LRMDA: variants seen among roughly 807,000 people sequenced by gnomAD.
LRMDA encodes the protein leucine rich melanocyte differentiation associated.
A neutral mutation model predicts 29.8 loss-of-function variants in LRMDA; 18 were observed. The observed-to-expected ratio is 0.60, with a 90% CI of 0.42 to 0.90. The LOEUF (loss-of-function observed/expected upper bound fraction) is 0.90. Among genes scored for constraint, LRMDA ranks in the 40% least tolerant of loss-of-function variants. The pLI is 0.00. For missense variants in LRMDA, 273 were observed against 273.9 expected (o/e 1.00, Z 0.02); for synonymous variants, 125 against 109.4 (o/e 1.14, Z -0.89).
chr10:75,475,450 G>T (rs1844779219), intron 2 of LRMDA, among the ~76,000 whole-genome samples: 1 of 152,122 alleles, frequency 6.6e-6, no homozygotes, highest in Non-Finnish European at 1.5e-5. Flanking sequence ...TAACCAGTGT[G>T]TTGATTTCAA....
At chr10:76,367,929 G>A (rs1841410834) in intron 6 of LRMDA, among the ~76,000 whole-genome samples, 1 of 151,982 alleles carries the variant, frequency 6.6e-6, no homozygotes, top group African/African-American at 2.4e-5. Context: ...TTGTATTTCA[G>A]TGGTCTCAGT....
rs139055216 is a variant in LRMDA, at chr10:75,696,177, A to G, written c.131+257683A>G. On this transcript the variant is annotated intron_variant, in intron 2 of 6. Transcript: ENST00000611255. Reference sequence around the variant, plus strand: ...TTTATCAGTTAGGTTCAGCTAAGTTATGCTGCAGTAACAACCCCCAAATCT... The same window carrying G: ...TTTATCAGTTAGGTTCAGCTAAGTTGTGCTGCAGTAACAACCCCCAAATCT... 8.3e-3 allele frequency among the ~76,000 whole-genome samples: 1,271 copies of G among 152,390 alleles called. 8 individuals carry two copies. Among genetic ancestry groups the G allele is most frequent in the Non-Finnish European group, 0.013 (851 of 68,038 alleles).
chr10:76,102,882 G>A (rs1467493198), intron 5 of LRMDA, among the ~76,000 whole-genome samples: 3 of 152,066 alleles, frequency 2.0e-5, no homozygotes, highest in African/African-American at 4.8e-5. Flanking sequence ...TAACTCTTGG[G>A]TTCAAGCAGT....
intron 6 of LRMDA, among the ~76,000 whole-genome samples, chr10:76,380,149 T>C (rs1841572050): frequency 6.6e-6 from 1 of 152,180 alleles, no homozygotes; most frequent in Non-Finnish European, 1.5e-5. Flanking sequence ...TTGGAGAATA[T>C]TCCATGCGTA....
chr10:76,029,673 G>A (rs1848117586), intron 2 of LRMDA, among the ~76,000 whole-genome samples: 1 of 152,014 alleles, frequency 6.6e-6, no homozygotes, highest in Non-Finnish European at 1.5e-5. Flanking sequence ...AATTCTTTAG[G>A]CATCATATTT....
chr10:75,760,078 G>A (rs1343064890), intron 2 of LRMDA, among the ~76,000 whole-genome samples: 2 of 152,192 alleles, frequency 1.3e-5, no homozygotes, highest in East Asian at 1.9e-4. Flanking sequence ...GAACAAGGGG[G>A]AAAAGACAAT....
chr10:76,425,172 C>T (rs566693015), intron 6 of LRMDA, among the ~76,000 whole-genome samples: 3 of 152,150 alleles, frequency 2.0e-5, no homozygotes, highest in African/African-American at 7.2e-5. Context: ...ATCAAATTTA[C>T]TTAATGTCAA....
At chr10:76,200,584 T>C (rs1053326926) in intron 5 of LRMDA, among the ~76,000 whole-genome samples, 1 of 152,204 alleles carries the variant, frequency 6.6e-6, no homozygotes, top group Non-Finnish European at 1.5e-5. Context: ...AAAGTCTTAT[T>C]TCTTGAGTTT....
chr10:76,001,010 G>C (rs899062631), intron 2 of LRMDA, among the ~76,000 whole-genome samples: 2 of 152,126 alleles, frequency 1.3e-5, no homozygotes, highest in African/African-American at 4.8e-5. Context: ...GCCCCGGGGA[G>C]GCACCCCAAG....
rs10553888 is a variant in LRMDA at position 75,692,564 on chromosome 10, C to CGTGTGTGT, written c.131+254105_131+254112dup. 2.4e-4 allele frequency among the ~76,000 whole-genome samples: 34 copies of CGTGTGTGT among 140,252 alleles called. No individual in the cohort carries two copies. The South Asian group carries it at 5.2e-3, about 21-fold the overall frequency. The allele number at this position is 140,252 out of a possible 152,430, so 92.0% of individuals were successfully genotyped here. On this transcript the variant is annotated intron_variant, in intron 2 of 6. Coordinates refer to ENST00000611255, the MANE Select transcript of LRMDA (RefSeq NM_001305581.2). ...ATATATACACATATACATATGTATA[C>CGTGTGTGT]GTGTGTGTGTGTGTGTGTGTGTGTG... is the stretch of plus-strand genomic sequence containing the variant.
At chr10:75,772,868 A>ATGGG (rs201086174) in intron 2 of LRMDA, among the ~76,000 whole-genome samples, 2,260 of 16,856 alleles carry the variant, frequency 0.13, 69 homozygotes, top group East Asian at 0.4. Flanking sequence ...GGGGGGTGGG[A>ATGGG]TGGGGGGGGG....
At chr10:75,496,178 C>T (rs879683836) in intron 2 of LRMDA, among the ~76,000 whole-genome samples, 12 of 152,164 alleles carry the variant, frequency 7.9e-5, no homozygotes, top group Non-Finnish European at 1.5e-4. Flanking sequence ...GATCTAGGAA[C>T]TATGATTGTG....
intron 6 of LRMDA, among the ~76,000 whole-genome samples, chr10:76,360,633 C>T (rs902955673): frequency 1.5e-4 from 23 of 152,136 alleles, no homozygotes; most frequent in African/African-American, 5.6e-4. Flanking sequence ...CCCCACAGTT[C>T]TGTGAAGTCA....
chr10:76,419,114 T>A (rs2132518291), intron 6 of LRMDA, among the ~76,000 whole-genome samples: 1 of 152,230 alleles, frequency 6.6e-6, no homozygotes, highest in South Asian at 2.1e-4. Context: ...ATGGTTGACA[T>A]CAGGGTTCAC....
chr10:75,526,168 G>T (rs1845410794), intron 2 of LRMDA, among the ~76,000 whole-genome samples: 3 of 151,688 alleles, frequency 2.0e-5, no homozygotes, highest in Admixed American at 6.6e-5. Flanking sequence ...TGGGCTCAAG[G>T]GATCCTCCTG....
intron 6 of LRMDA, among the ~76,000 whole-genome samples, chr10:76,426,624 A>G (rs1246635818): frequency 7.2e-5 from 11 of 152,146 alleles, no homozygotes; most frequent in Admixed American, 2.0e-4. Flanking sequence ...CCATTTGTCA[A>G]TTTTGGCTTT....
intron 2 of LRMDA, among the ~76,000 whole-genome samples, chr10:75,837,486 A>G (rs1300139605): frequency 6.6e-6 from 1 of 152,224 alleles, no homozygotes; most frequent in Non-Finnish European, 1.5e-5. Flanking sequence ...TGGACAAAAA[A>G]TGGTGCCAGT....
At chr10:76,140,991 C>T (rs527740099) in intron 5 of LRMDA, among the ~76,000 whole-genome samples, 1 of 152,138 alleles carries the variant, frequency 6.6e-6, no homozygotes, top group African/African-American at 2.4e-5. Context: ...GCCTACATTC[C>T]CCCATCTCCC....
At chr10:76,010,300 A>G (rs1847753533) in intron 2 of LRMDA, among the ~76,000 whole-genome samples, 1 of 149,126 alleles carries the variant, frequency 6.7e-6, no homozygotes, top group Non-Finnish European at 1.5e-5. Context: ...GGTACTCTTA[A>G]TCTAATTTAT....
Sources: gnomAD v4.1 joint callset for allele counts (sites outside exome capture counted in the v4.1 genomes callset) on GRCh38, gnomAD v4.1.1 for gene constraint, MANE v1.5 for transcripts, NCBI Gene and HGNC (gene_info 2026-07-23, HGNC 2026-07-21) for gene names.